WNT4: variants seen among roughly 807,000 people sequenced by gnomAD.
WNT4 encodes the protein Wnt family member 4.
In WNT4, 16 loss-of-function variants were observed where a neutral mutation model predicts 34.5. The ratio of observed to expected loss-of-function variants is 0.46; its 90% CI spans 0.31 to 0.70. The LOEUF is 0.70. WNT4 is among the 30% of genes least tolerant of loss of function. WNT4 has a pLI of 0.04. For synonymous variants in WNT4, 200 were observed against 211.9 expected (o/e 0.94, Z 0.49); for missense variants, 379 against 495.9 (o/e 0.76, Z 2.24).
chr1:22,128,345 T>C (rs1317532047), intron 2 of WNT4, among the ~76,000 whole-genome samples: 1 of 152,198 alleles, frequency 6.6e-6, no homozygotes, highest in Non-Finnish European at 1.5e-5. Context: ...TGTCGATGGA[T>C]AGTGGCTCGG....
chr1:22,129,867 C>T lies in WNT4; in HGVS notation c.78-16G>A, dbSNP rs775112658. On this transcript the variant is annotated splice_polypyrimidine_tract_variant and intron_variant, in intron 1 of 4. Coordinates refer to ENST00000290167, the MANE Select transcript of WNT4 (RefSeq NM_030761.5). ...GGCCAGGTACCTGGGGAGAGGGTGA[C>T]ACGTGATGCAGAGCCCACCTCCTCA... is the stretch of plus-strand genomic sequence containing the variant. The T allele has an allele frequency of 1.9e-5, 30 of 1,612,860 alleles. No homozygotes were observed. Among genetic ancestry groups the T allele is most frequent in the Middle Eastern group, 3.3e-4 (2 of 6,062 alleles).
At chr1:22,131,037 T>C (rs1049285975) in intron 1 of WNT4, among the ~76,000 whole-genome samples, 2 of 152,266 alleles carry the variant, frequency 1.3e-5, no homozygotes, top group African/African-American at 4.8e-5. Context: ...ATTTACCTCA[T>C]GTGCAGGGCT....
chr1:22,123,701 A>G (rs1395843979), intron 2 of WNT4, among the ~76,000 whole-genome samples: 1 of 152,214 alleles, frequency 6.6e-6, no homozygotes, highest in South Asian at 2.1e-4. Flanking sequence ...ATTTGAGCCC[A>G]GGCAGCCAGA....
chr1:22,120,051 C>A lies in WNT4; in HGVS notation c.1055G>T (p.Ter352LeuextTer4). 1 of 1,606,678 alleles carries A rather than the reference C, an allele frequency of 6.2e-7. No individual in the cohort carries two copies. Among genetic ancestry groups the A allele is most frequent in the South Asian group, 1.1e-5 (1 of 90,930 alleles). The change falls in exon 5 of 5, where the codon TGA becomes TTA. Residue 352 changes from the stop codon to leucine, a stop_lost. Coordinates refer to ENST00000290167, the MANE Select transcript of WNT4 (RefSeq NM_030761.5). ...GCCGGCGCAGGGCTAGGCAGGCGGT[C>A]ATCGGCACGTGTGCAACTCCACGAG... ...QRLVELHTCR[*>L] is the part of the protein sequence containing the mutation.
chr1:22,141,278 G>C (rs1376566389), intron 1 of WNT4, among the ~76,000 whole-genome samples: 1 of 152,150 alleles, frequency 6.6e-6, no homozygotes, highest in African/African-American at 2.4e-5. Flanking sequence ...TTTTTTGTTT[G>C]TTTGTTTGTT....
chr1:22,120,195 T>C lies in WNT4; in HGVS notation c.911A>G (p.Asp304Gly), dbSNP rs771709235. The C allele has an allele frequency of 1.2e-6, 2 of 1,613,900 alleles. No individual in the cohort carries two copies. The highest frequency in any genetic ancestry group is 3.3e-5 in the Admixed American group (2 of 60,018). The change falls in exon 5 of 5, where the codon GAC (aspartate) becomes GGC (glycine). Residue 304 changes from aspartate (D) to glycine (G), a missense_variant. Transcript: ENST00000290167. Reference sequence around the variant, plus strand: ...GCCACAGCACAGCAGCTCACAGCCGTCGATGGCCTTGGACGTCTTGTTGCA... The same window carrying C: ...GCCACAGCACAGCAGCTCACAGCCGCCGATGGCCTTGGACGTCTTGTTGCA... ...RTCNKTSKAI[D>G]GCELLCCGRG...
chr1:22,131,166 C>G (rs1645981032), intron 1 of WNT4, among the ~76,000 whole-genome samples: 1 of 152,260 alleles, frequency 6.6e-6, no homozygotes. Context: ...TGGCCAGAAG[C>G]TGCTGGGAGC....
At position 22,142,875 on chromosome 1, in the gene WNT4, G is replaced by C; in HGVS notation, c.48C>G (p.Ala16=). 1 of 1,211,148 alleles carries C rather than the reference G, an allele frequency of 8.3e-7. No homozygotes were observed. The highest frequency in any genetic ancestry group is 1.1e-6 in the Non-Finnish European group (1 of 946,216). 75.0% of individuals were successfully genotyped at this position (1,211,148 alleles called of 1,614,324 possible). A position where few individuals can be genotyped will look rare whatever the true frequency, so the allele number is the denominator to read the frequency against. The change falls in exon 1 of 5, where the codon GCC becomes GCG. Residue 16 remains alanine (A), a synonymous_variant. Coordinates refer to ENST00000290167, the MANE Select transcript of WNT4 (RefSeq NM_030761.5). The surrounding 1 kb of genome is among the most constrained non-coding windows in gnomAD (Gnocchi z 6.0). ...CLRSLRLLVF[A]VFSAAASNWL... is the part of the protein sequence containing the mutation. ...AGTTGCTCGCGGCGGCTGAGAAGAC[G>C]GCGAAGACGAGGAGGCGCAGCGAAC...
intron 2 of WNT4, chr1:22,127,465 A>G (rs1243442739): frequency 3.8e-6 from 2 of 533,220 alleles, no homozygotes; most frequent in Middle Eastern, 3.2e-4. Context: ...TGTCTCCTCC[A>G]TGCCAGGCTT....
At chr1:22,130,595 T>C (rs1645975863) in intron 1 of WNT4, among the ~76,000 whole-genome samples, 2 of 152,214 alleles carry the variant, frequency 1.3e-5, no homozygotes, top group South Asian at 2.1e-4. Flanking sequence ...TTGCATCTTA[T>C]AAAGGAAGCT....
chr1:22,127,566 A>C, intron 2 of WNT4: 2 of 454,148 alleles, frequency 4.4e-6, no homozygotes, highest in Non-Finnish European at 9.2e-6. Context: ...TCGGGTGAGG[A>C]GATACGCATT....
At chr1:22,124,774 C>T (rs1433899722) in intron 2 of WNT4, among the ~76,000 whole-genome samples, 1 of 152,164 alleles carries the variant, frequency 6.6e-6, no homozygotes, top group East Asian at 1.9e-4. Context: ...GTTTGGAGAA[C>T]TGGCTAAGGC....
rs973585698 is a variant in WNT4 at position 22,142,453 on chromosome 1, T to C, written c.77+393A>G. On this transcript the variant is annotated intron_variant, in intron 1 of 4. Transcript: ENST00000290167. The surrounding 1 kb of genome is among the most constrained non-coding windows in gnomAD (Gnocchi z 6.0). Reference sequence around the variant, plus strand: ...ACTTCTCGGGATTAACCTGCTATTATGTCCCGGAGCCCTTCCCTGCAATGG... The same window carrying C: ...ACTTCTCGGGATTAACCTGCTATTACGTCCCGGAGCCCTTCCCTGCAATGG... 6.6e-6 allele frequency among the ~76,000 whole-genome samples: 1 copy of C among 152,196 alleles called. No homozygotes were observed. Among genetic ancestry groups the C allele is most frequent in the Non-Finnish European group, 1.5e-5 (1 of 68,030 alleles).
chr1:22,121,712 C>T (rs1456679325), intron 2 of WNT4, 136 bp from the exon 3 acceptor site: 12 of 1,375,160 alleles, frequency 8.7e-6, no homozygotes, highest in African/African-American at 1.4e-5. Flanking sequence ...AAATCATGTG[C>T]TAGGCACCCC....
At chr1:22,125,533 C>T (rs1313498326) in intron 2 of WNT4, among the ~76,000 whole-genome samples, 4 of 152,212 alleles carry the variant, frequency 2.6e-5, no homozygotes, top group Non-Finnish European at 4.4e-5. Flanking sequence ...AGGAAGGTGT[C>T]CTAGATGGTT....
chr1:22,127,209 C>G, intron 2 of WNT4: 1 of 456,102 alleles, frequency 2.2e-6, no homozygotes, highest in South Asian at 1.6e-5. Context: ...ATTGGACGTT[C>G]GACTCCACCA....
chr1:22,131,955 A>G (rs1645987145), intron 1 of WNT4, among the ~76,000 whole-genome samples: 1 of 152,186 alleles, frequency 6.6e-6, no homozygotes, highest in South Asian at 2.1e-4. Context: ...GAAGCAGCAG[A>G]GGCTGCATTT....
intron 2 of WNT4, among the ~76,000 whole-genome samples, chr1:22,128,100 T>C (rs1455090356): frequency 6.6e-6 from 1 of 152,178 alleles, no homozygotes; most frequent in African/African-American, 2.4e-5. Flanking sequence ...GCTCACTGGG[T>C]CTCTGTTGCT....
rs987638538 is a variant in WNT4 at position 22,142,688 on chromosome 1, C to A, written c.77+158G>T. 6.6e-6 allele frequency among the ~76,000 whole-genome samples: 1 copy of A among 151,388 alleles called. No individual in the cohort carries two copies. On this transcript the variant is annotated intron_variant, in intron 1 of 4. Transcript: ENST00000290167. The surrounding 1 kb of genome is among the most constrained non-coding windows in gnomAD (Gnocchi z 6.0). ...CCGGGTGTGCAGAGGGACGTTCGGG[C>A]CGTGGCGGCGGCAGCGGAGCGAGCG...
Sources: allele counts gnomAD v4.1 joint callset (sites outside exome capture counted in the v4.1 genomes callset), GRCh38; gene constraint gnomAD v4.1.1; non-coding constraint Gnocchi (gnomAD v3.1); transcripts MANE v1.5; gene names NCBI Gene and HGNC (gene_info 2026-07-23, HGNC 2026-07-21).